Variants in A2ML1 observed in about 807,000 individuals in gnomAD.
The protein encoded by A2ML1 is alpha-2-macroglobulin like 1.
In A2ML1, 161 loss-of-function variants were observed where a neutral mutation model predicts 181.9. The ratio of observed to expected loss-of-function variants is 0.89; its 90% confidence interval spans 0.78 to 1.01. The LOEUF (loss-of-function observed/expected upper bound fraction) is 1.01. A2ML1 is among the 50% of genes least tolerant of loss of function. The pLI is 0.00. For synonymous variants in A2ML1, 663 were observed against 666.8 expected, an observed-to-expected ratio of 0.99 and a Z score of 0.09; for missense variants, 1,670 against 1,768.1, an observed-to-expected ratio of 0.94 and a Z score of 1.00.
rs1405822964 is a variant in A2ML1, at chr12:8,838,394, G to T, written c.914G>T (p.Gly305Val). ...PVDMATFDLI[G>V]YAYSHQINIV... ...GACATGGCCACCTTTGACCTCATTG[G>T]ATATGCGTACAGCCATCAAATCAAT... The change falls in exon 9 of 36, where the codon GGA becomes GTA. Residue 305 changes from glycine to valine, a missense_variant. Gly to Val is a moderately radical substitution (Grantham distance 109). Coordinates refer to ENST00000299698, the MANE Select transcript of A2ML1 (RefSeq NM_144670.6). 6.2e-7 allele frequency: 1 copy of T among 1,613,902 alleles called. No homozygotes were observed. The highest frequency in any genetic ancestry group is 1.7e-5 in the Admixed American group (1 of 59,992).
intron 4 of A2ML1, chr12:8,830,689 TTCCGTCTG>T (rs1943082348): frequency 6.6e-6 from 1 of 152,200 alleles, no homozygotes; most frequent in African/African-American, 2.4e-5. Context: ...TTTCTTCCTC[TTCCGTCTG>T]TCCCAGCCTG....
chr12:8,834,616 T>C (rs774058565), intron 4 of A2ML1, 46 bp from the exon 5 acceptor site: 3 of 1,609,588 alleles, frequency 1.9e-6, no homozygotes, highest in South Asian at 1.1e-5. Flanking sequence ...TTATTCTTAT[T>C]GCTGTCAACC....
At position 8,850,317 on chromosome 12, in the gene A2ML1, G is replaced by T. The variant is rs1410691082; in HGVS notation, c.2234+43G>T. The stretch of plus-strand genomic sequence containing the variant: ...AGTACAGTAAAGGGCCAGGTGCATG[G>T]CTCACGCCTGTAATCCCAACACTTT... On this transcript the variant is annotated intron_variant, in intron 18 of 35. Transcript: ENST00000299698. The T allele has an allele frequency of 3.4e-6, 5 of 1,485,778 alleles. 1 individual carries two copies. The Middle Eastern group carries it at 6.2e-4, about 184-fold the overall frequency. 92.0% of individuals were successfully genotyped at this position (1,485,778 alleles called of 1,614,324 possible).
chr12:8,837,808 A>G (rs1252280062), intron 8 of A2ML1, among the ~76,000 whole-genome samples: 3 of 147,708 alleles, frequency 2.0e-5, no homozygotes, highest in Non-Finnish European at 3.0e-5. Context: ...TGAACCCGGG[A>G]GGCGGAGGTT....
At chr12:8,828,471 C>G (rs1186737835) in intron 3 of A2ML1, among the ~76,000 whole-genome samples, 1 of 152,106 alleles carries the variant, frequency 6.6e-6, no homozygotes, top group Non-Finnish European at 1.5e-5. Flanking sequence ...GTGAATGGTG[C>G]CTGGCCTGGG....
At position 8,868,256 on chromosome 12, in the gene A2ML1, T is replaced by G; in HGVS notation, c.3960T>G (p.Pro1320=). The part of the protein sequence containing the change: ...VQTVLRYNIL[P]PTNMKTFSLS... ...CGGTGTTGAGATACAATATTCTCCC[T>G]CCCACAAATATGAAGACCTTTAGTC... Residue 1320 remains proline, a synonymous_variant, in exon 31 of 36, where the codon CCT becomes CCG. Transcript: ENST00000299698. The G allele has an allele frequency of 6.2e-7, 1 of 1,613,776 alleles. No individual in the cohort carries two copies. Among genetic ancestry groups the G allele is most frequent in the Admixed American group, 1.7e-5 (1 of 59,890 alleles).
In A2ML1 at chr12:8,847,581, T is replaced by C. The variant is rs992484155; in HGVS notation, c.1716T>C (p.Leu572=). The change falls in exon 15 of 36, where the codon CTT becomes CTC. Residue 572 remains leucine, a synonymous_variant. Coordinates refer to ENST00000299698, the MANE Select transcript of A2ML1 (RefSeq NM_144670.6). Reference sequence around the variant, plus strand: ...TTGGCTTCTCCCCCTCCCAGCAGCTTCCAGGAGCAGAAGTGGAGCTGCAGC... The same window carrying C: ...TTGGCTTCTCCCCCTCCCAGCAGCTCCCAGGAGCAGAAGTGGAGCTGCAGC... The part of the protein sequence containing the change: ...VSLGFSPSQQ[L]PGAEVELQLQ... 6.2e-7 allele frequency: 1 copy of C among 1,613,040 alleles called. No individual in the cohort carries two copies.
At chr12:8,838,311 T>C (rs1943352978) in intron 8 of A2ML1, 25 bp from the exon 9 acceptor site, 1 of 1,537,196 alleles carries the variant, frequency 6.5e-7, no homozygotes, top group Non-Finnish European at 9.0e-7. Flanking sequence ...CTGCTCTCTA[T>C]CTCTGTCTCT....
chr12:8,860,696 G>C (rs1379122096), intron 26 of A2ML1, among the ~76,000 whole-genome samples, 185 bp from the exon 27 acceptor site: 1 of 152,166 alleles, frequency 6.6e-6, no homozygotes, highest in Non-Finnish European at 1.5e-5. Context: ...AGTCCAAACT[G>C]TTCCCTCTTT....
chr12:8,880,587 AC>A (rs781716302), downstream of A2ML1: 66 of 152,100 alleles, frequency 4.3e-4, no homozygotes, highest in African/African-American at 1.6e-3. Context: ...AGTCCTTGAA[AC>A]CATTTAGGAG....
chr12:8,872,563 C>T (rs779818327), intron 33 of A2ML1, among the ~76,000 whole-genome samples: 22 of 152,044 alleles, frequency 1.4e-4, no homozygotes, highest in Non-Finnish European at 2.1e-4. Context: ...GGGTGGATCA[C>T]GAGATCAGGA....
At chr12:8,866,599 G>C (rs1459288202) in intron 29 of A2ML1, among the ~76,000 whole-genome samples, 1 of 152,018 alleles carries the variant, frequency 6.6e-6, no homozygotes, top group African/African-American at 2.4e-5. Flanking sequence ...ACCCACACTG[G>C]TTTTTCAGCT....
At chr12:8,826,319 G>A (rs867895084) in intron 3 of A2ML1, among the ~76,000 whole-genome samples, 7 of 152,018 alleles carry the variant, frequency 4.6e-5, no homozygotes, top group African/African-American at 1.7e-4. Flanking sequence ...TTTTATTGTT[G>A]AGATCTTTCA....
At chr12:8,859,074 A>G (rs1027537308) in intron 26 of A2ML1, among the ~76,000 whole-genome samples, 2 of 152,026 alleles carry the variant, frequency 1.3e-5, no homozygotes, top group East Asian at 3.9e-4. Flanking sequence ...AATAAGTGGC[A>G]GGACTGAGAT....
intron 9 of A2ML1, 95 bp from the exon 10 acceptor site, chr12:8,839,018 T>C: frequency 1.3e-6 from 1 of 752,962 alleles, no homozygotes; most frequent in Non-Finnish European, 2.1e-6. Context: ...TTCAACTTCA[T>C]CCCTCTGCCA....
At position 8,839,186 on chromosome 12, in the gene A2ML1, C is replaced by G. The variant is rs1437069980; in HGVS notation, c.1044C>G (p.Ser348Arg). Reference protein sequence around the residue: ...QMGSMTFEDTSNFYHPNFPFS... With the variant: ...QMGSMTFEDTRNFYHPNFPFS... ...GATCAATGACCTTTGAAGACACCAG[C>G]AATTTTTACCATCCAAATTTCCCCT... Residue 348 changes from serine (S) to arginine (R), a missense_variant, in exon 10 of 36, where the codon AGC becomes AGG. Transcript: ENST00000299698. The G allele has an allele frequency of 6.2e-7, 1 of 1,613,622 alleles. No homozygotes were observed. Among genetic ancestry groups the G allele is most frequent in the Non-Finnish European group, 8.5e-7 (1 of 1,179,686 alleles).
chr12:8,837,648 G>C, intron 8 of A2ML1, 82 bp downstream of exon 8: 1 of 1,419,876 alleles, frequency 7.0e-7, no homozygotes, highest in Non-Finnish European at 9.4e-7. Flanking sequence ...TTGGGAGGCC[G>C]AGATGGGCGG....
intron 14 of A2ML1, among the ~76,000 whole-genome samples, chr12:8,846,630 G>T (rs112142854): frequency 6.6e-6 from 1 of 151,940 alleles, no homozygotes; most frequent in Non-Finnish European, 1.5e-5. Flanking sequence ...GACCAGCCTG[G>T]TGAAACCGTG....
intron 3 of A2ML1, among the ~76,000 whole-genome samples, 191 bp downstream of exon 3, chr12:8,824,073 G>A (rs1942840738): frequency 6.6e-6 from 1 of 151,780 alleles, no homozygotes; most frequent in South Asian, 2.1e-4. Context: ...AGTAGGTGGG[G>A]GTTGCTACTG....
Sources: gnomAD v4.1 joint callset for allele counts (sites outside exome capture counted in the v4.1 genomes callset) on GRCh38, gnomAD v4.1.1 for gene constraint, MANE v1.5 for transcripts, NCBI Gene and HGNC (gene_info 2026-07-23, HGNC 2026-07-21) for gene names.